CTNNA2: variants seen among roughly 807,000 people sequenced by gnomAD.
CTNNA2 encodes catenin alpha-2.
A neutral mutation model predicts 101.0 loss-of-function variants in CTNNA2; 42 were observed. The ratio of observed to expected loss-of-function variants is 0.42; its 90% CI spans 0.32 to 0.54. The LOEUF (loss-of-function observed/expected upper bound fraction) is 0.54, where lower values mean the gene tolerates loss of function less well. CTNNA2 is among the 20% of genes least tolerant of loss of function. The pLI, the probability that CTNNA2 is intolerant of heterozygous loss-of-function variation, is 0.14. For synonymous variants in CTNNA2, 450 were observed against 456.4 expected, an observed-to-expected ratio of 0.99 and a Z score of 0.18; for missense variants, 871 against 1,223.1, an observed-to-expected ratio of 0.71 and a Z score of 4.29.
intron 7 of CTNNA2, among the ~76,000 whole-genome samples, chr2:80,057,635 G>A (rs769759328): frequency 6.6e-6 from 1 of 152,094 alleles, no homozygotes; most frequent in East Asian, 1.9e-4. Flanking sequence ...AATTTAAGGG[G>A]GACAGGAGGC....
chr2:79,216,821 G>C (rs993915911), intron 2 of CTNNA2, among the ~76,000 whole-genome samples: 9 of 152,172 alleles, frequency 5.9e-5, no homozygotes, highest in African/African-American at 1.9e-4. Flanking sequence ...AAGGGGTTGG[G>C]GGGTTCATGC....
chr2:80,601,987 T>C (rs1360006479), intron 15 of CTNNA2: 1 of 152,080 alleles, frequency 6.6e-6, no homozygotes, highest in Admixed American at 6.6e-5. Flanking sequence ...ACTTCCATCC[T>C]GTTTCTCTCT....
intron 7 of CTNNA2, among the ~76,000 whole-genome samples, chr2:80,335,198 C>T (rs1452473805): frequency 6.6e-6 from 1 of 152,178 alleles, no homozygotes; most frequent in African/African-American, 2.4e-5. Context: ...TACTAAGTGC[C>T]ACCTGGAAAG....
chr2:80,010,172 C>G lies in CTNNA2; in HGVS notation c.1056+100375C>G, dbSNP rs547408497. 2.0e-5 allele frequency among the ~76,000 whole-genome samples: 3 copies of G among 152,304 alleles called. No homozygotes were observed. The East Asian group carries it at 5.8e-4, about 29-fold the overall frequency. ...AATGAAATATTTCTCACCCTTCTCA[C>G]ATATTCCCTCTTACAAAGCCATGGA... On this transcript the variant is annotated intron_variant, in intron 7 of 18. Transcript: ENST00000402739.
intron 7 of CTNNA2, among the ~76,000 whole-genome samples, chr2:80,344,046 C>T (rs1259312342): frequency 1.6e-4 from 25 of 152,146 alleles, no homozygotes; most frequent in Admixed American, 1.2e-3. Context: ...TTAGCACCTG[C>T]ACTCTGCCCC....
intron 8 of CTNNA2, among the ~76,000 whole-genome samples, chr2:80,418,127 C>T (rs180848391): frequency 7.9e-5 from 12 of 152,238 alleles, no homozygotes; most frequent in Middle Eastern, 3.4e-3. Context: ...AAGAGAGCCA[C>T]GGCAGGTCAA....
At chr2:79,918,872 C>T (rs1174443614) in intron 7 of CTNNA2, among the ~76,000 whole-genome samples, 5 of 152,230 alleles carry the variant, frequency 3.3e-5, no homozygotes, top group South Asian at 2.1e-4. Flanking sequence ...CAATAACAAC[C>T]GGTTATGGAT....
At chr2:79,422,145 G>T (rs994433018) in intron 4 of CTNNA2, among the ~76,000 whole-genome samples, 1 of 152,050 alleles carries the variant, frequency 6.6e-6, no homozygotes, top group South Asian at 2.1e-4. Context: ...GGAGTAAGAC[G>T]CTGTCTCAAA....
intron 7 of CTNNA2, among the ~76,000 whole-genome samples, chr2:80,389,565 T>G (rs1487438765): frequency 1.3e-5 from 2 of 152,170 alleles, no homozygotes; most frequent in African/African-American, 4.8e-5. Context: ...TTTAAACTGA[T>G]GAATTTAAAA....
At chr2:79,303,634 A>G (rs1205891069) in intron 2 of CTNNA2, among the ~76,000 whole-genome samples, 1 of 152,056 alleles carries the variant, frequency 6.6e-6, no homozygotes, top group Non-Finnish European at 1.5e-5. Flanking sequence ...CTACCAAGAC[A>G]GTCACTCTCT....
At chr2:79,243,062 A>G (rs1674653255) in intron 2 of CTNNA2, among the ~76,000 whole-genome samples, 1 of 151,210 alleles carries the variant, frequency 6.6e-6, no homozygotes, top group Admixed American at 6.6e-5. Context: ...ACGCAAAGAA[A>G]TATTATTATG....
chr2:79,920,303 T>C (rs1338362048), intron 7 of CTNNA2, among the ~76,000 whole-genome samples: 1 of 152,238 alleles, frequency 6.6e-6, no homozygotes, highest in East Asian at 1.9e-4. Context: ...AGCTCAAATA[T>C]GTTGCTCTTG....
chr2:80,145,103 A>G (rs558193276), intron 7 of CTNNA2, among the ~76,000 whole-genome samples: 1 of 152,320 alleles, frequency 6.6e-6, no homozygotes, highest in East Asian at 1.9e-4. Flanking sequence ...AAAATCTTGA[A>G]ACTGTAAATG....
chr2:80,146,710 G>GTTTTTTTTTTTTTTTTTTTTTT (rs34019123), intron 7 of CTNNA2, among the ~76,000 whole-genome samples: 1 of 61,744 alleles, frequency 1.6e-5, no homozygotes, highest in Non-Finnish European at 3.1e-5. Context: ...GTCCCCTCTG[G>GTTTTTTTTTTTTTTTTTTTTTT]TTTTTTTTTT....
chr2:80,078,572 T>A (rs1359956527), intron 7 of CTNNA2, among the ~76,000 whole-genome samples: 1 of 152,160 alleles, frequency 6.6e-6, no homozygotes, highest in Non-Finnish European at 1.5e-5. Context: ...GTTGCAGATG[T>A]CGCTATGATC....
intron 18 of CTNNA2, among the ~76,000 whole-genome samples, chr2:80,629,082 G>A (rs747340979): frequency 2.6e-5 from 4 of 152,064 alleles, no homozygotes; most frequent in South Asian, 2.1e-4. Context: ...TGAGCACAGG[G>A]TCCAGAATGT....
At position 80,232,333 on chromosome 2, in the gene CTNNA2, GTTTGTTTGTTTGTTTTTTTTTTTTTTTTT is replaced by G. The variant is rs1709266758; in HGVS notation, c.1057-160874_1057-160846del. Among the ~76,000 whole-genome samples the G allele has an allele frequency of 1.5e-4, 7 of 45,352 alleles. No homozygotes were observed. In the East Asian group the frequency reaches 4.4e-3, roughly 29 times the overall value. 29.8% of individuals were successfully genotyped at this position (45,352 alleles called of 152,430 possible). On this transcript the variant is annotated intron_variant, in intron 7 of 18. Coordinates refer to ENST00000402739, the MANE Select transcript of CTNNA2 (RefSeq NM_001282597.3). ...TACAGAATTTGGGTTTTGTTTGTTTGTTTGTTTGTTTGTTTTTTTTTTTTTTTTTTTTTTTTTTTTTTTTTTTTTTTTTT... is the reference window on the plus strand; with the variant it reads ...TACAGAATTTGGGTTTTGTTTGTTTGTTTTTTTTTTTTTTTTTTTTTTTTT...
At chr2:79,919,092 C>T (rs1473820383) in intron 7 of CTNNA2, among the ~76,000 whole-genome samples, 2 of 152,122 alleles carry the variant, frequency 1.3e-5, no homozygotes, top group African/African-American at 4.8e-5. Flanking sequence ...GCCAAGCCTC[C>T]TCTTGGTAGC....
intron 1 of CTNNA2, among the ~76,000 whole-genome samples, chr2:79,630,556 A>G (rs948097572): frequency 6.6e-6 from 1 of 152,268 alleles, no homozygotes; most frequent in Admixed American, 6.5e-5. Flanking sequence ...TTCAGTATAC[A>G]TAATGTAAGA....
Sources: gnomAD v4.1 joint callset for allele counts (sites outside exome capture counted in the v4.1 genomes callset) on GRCh38, gnomAD v4.1.1 for gene constraint, MANE v1.5 for transcripts, NCBI Gene and HGNC (gene_info 2026-07-23, HGNC 2026-07-21) for gene names.